RGS7: variants seen among roughly 807,000 people sequenced by gnomAD.
RGS7 encodes the protein regulator of G protein signaling 7, also known as regulator of G-protein signaling 7.
Under a neutral mutation model 81.1 loss-of-function variants are expected in RGS7, and 27 were observed. The observed-to-expected ratio is 0.33, with a 90% CI of 0.25 to 0.46. The LOEUF (loss-of-function observed/expected upper bound fraction) is 0.46. Ranked by LOEUF, RGS7 falls within the 20% of genes least tolerant of loss-of-function variation. The pLI, the probability that RGS7 is intolerant of heterozygous loss-of-function variation, is 1.00. For missense variants in RGS7, 396 were observed against 607.4 expected, an observed-to-expected ratio of 0.65 and a Z score of 3.66; for synonymous variants, 208 against 207.7, an observed-to-expected ratio of 1.00 and a Z score of -0.01.
At chr1:240,933,208 C>T (rs1004961785) in intron 5 of RGS7, among the ~76,000 whole-genome samples, 5 of 151,638 alleles carry the variant, frequency 3.3e-5, no homozygotes, top group East Asian at 1.9e-4. Flanking sequence ...ATGCTTCTTA[C>T]GGAGTGCATT....
intron 2 of RGS7, among the ~76,000 whole-genome samples, chr1:241,112,247 T>C (rs1376921527): frequency 6.6e-6 from 1 of 152,178 alleles, no homozygotes; most frequent in East Asian, 1.9e-4. Context: ...TTAAGTAATT[T>C]ATTTTTATGG....
chr1:240,910,359 CT>C (rs1204062931), intron 6 of RGS7, among the ~76,000 whole-genome samples: 1 of 152,088 alleles, frequency 6.6e-6, no homozygotes, highest in Non-Finnish European at 1.5e-5. Flanking sequence ...AACGCATGTG[CT>C]CATTCATATG....
intron 3 of RGS7, among the ~76,000 whole-genome samples, chr1:241,050,428 A>G (rs545086914): frequency 2.0e-5 from 3 of 152,250 alleles, no homozygotes; most frequent in South Asian, 4.1e-4. Flanking sequence ...CCAGGTCACT[A>G]TGTTCCATCA....
intron 2 of RGS7, among the ~76,000 whole-genome samples, chr1:241,306,146 A>T (rs2080105487): frequency 6.6e-6 from 1 of 151,280 alleles, no homozygotes; most frequent in Non-Finnish European, 1.5e-5. Flanking sequence ...ACACACACAC[A>T]CACTCACACA....
At chr1:241,030,493 TACAC>T (rs10649050) in intron 3 of RGS7, among the ~76,000 whole-genome samples, 8,861 of 140,398 alleles carry the variant, frequency 0.063, 356 homozygotes, top group Middle Eastern at 0.12. Flanking sequence ...TATATAGATG[TACAC>T]ACACACACAC....
intron 3 of RGS7, among the ~76,000 whole-genome samples, chr1:241,089,513 C>T (rs1023111172): frequency 6.6e-6 from 1 of 151,926 alleles, no homozygotes; most frequent in Non-Finnish European, 1.5e-5. Flanking sequence ...AGTCAGAGCC[C>T]AGAAATCATA....
intron 2 of RGS7, among the ~76,000 whole-genome samples, chr1:241,261,018 C>T (rs2077302574): frequency 6.6e-6 from 1 of 151,304 alleles, no homozygotes; most frequent in South Asian, 2.1e-4. Context: ...CACATGTATA[C>T]GTATGTAACT....
chr1:241,066,179 T>C (rs2062051821), intron 3 of RGS7, among the ~76,000 whole-genome samples: 1 of 152,192 alleles, frequency 6.6e-6, no homozygotes, highest in South Asian at 2.1e-4. Context: ...CACTCCTAAC[T>C]CTATTTTCAC....
chr1:241,052,433 G>A (rs773487578), intron 3 of RGS7, among the ~76,000 whole-genome samples: 4 of 152,148 alleles, frequency 2.6e-5, no homozygotes, highest in Non-Finnish European at 5.9e-5. Flanking sequence ...AGAGCAACGT[G>A]AAGGCCGAGC....
rs1158514403 is a variant in RGS7, at chr1:241,089,021, A to ATCTCTCTCTCTC, written c.175+9633_175+9644dup. On this transcript the variant is annotated intron_variant, in intron 3 of 18. Transcript: ENST00000440928. ...AGCCTGGGCCACAGAGCAAGACTCC[A>ATCTCTCTCTCTC]TCTCTCTCTCTCTCTCTCTCTCTCT... 9.6e-3 allele frequency among the ~76,000 whole-genome samples: 226 copies of ATCTCTCTCTCTC among 23,612 alleles called. 29 individuals are homozygous for ATCTCTCTCTCTC. The highest frequency in any genetic ancestry group is 0.029 in the African/African-American group (106 of 3,690). 15.5% of individuals were successfully genotyped at this position (23,612 alleles called of 152,430 possible).
chr1:241,133,254 G>A (rs2067252436), intron 2 of RGS7, among the ~76,000 whole-genome samples: 1 of 151,028 alleles, frequency 6.6e-6, no homozygotes, highest in South Asian at 2.1e-4. Context: ...AATATAAACA[G>A]CAATAAATGA....
chr1:241,131,925 C>A (rs1019420572), intron 2 of RGS7, among the ~76,000 whole-genome samples: 2 of 152,190 alleles, frequency 1.3e-5, no homozygotes, highest in East Asian at 3.8e-4. Context: ...AATCACATTA[C>A]ACATCCCGTT....
At chr1:241,166,391 T>A (rs1376855198) in intron 2 of RGS7, among the ~76,000 whole-genome samples, 1 of 151,960 alleles carries the variant, frequency 6.6e-6, no homozygotes, top group Non-Finnish European at 1.5e-5. Context: ...AATCAATGAC[T>A]CCGGAGTAGA....
chr1:241,305,864 A>T, intron 2 of RGS7: 2 of 306,872 alleles, frequency 6.5e-6, no homozygotes, highest in Non-Finnish European at 1.3e-5. Flanking sequence ...GTTGAGGCCC[A>T]CGGCCATGGG....
At chr1:241,157,243 C>G (rs2069235543) in intron 2 of RGS7, among the ~76,000 whole-genome samples, 1 of 152,186 alleles carries the variant, frequency 6.6e-6, no homozygotes, top group African/African-American at 2.4e-5. Context: ...TTCCACTCTG[C>G]TCCTGCTGAA....
chr1:241,044,112 GTTT>G (rs11355364), intron 3 of RGS7, among the ~76,000 whole-genome samples: 2 of 121,110 alleles, frequency 1.7e-5, no homozygotes, highest in African/African-American at 3.6e-5. Context: ...TGTTTTTTTT[GTTT>G]TTTTTTTTTT....
chr1:240,813,638 A>G lies in RGS7; in HGVS notation c.936T>C (p.Thr312=). The change falls in exon 13 of 19, where the codon ACT becomes ACC. Residue 312 remains threonine (T), a synonymous_variant. Transcript: ENST00000440928. ...CCTACCTTGCCTCAAGTTCCCAGAA[A>G]GTGGTGTCATCGGACAGCCATGGGT... is the stretch of plus-strand genomic sequence containing the variant. The part of the protein sequence containing the change: ...PSNPWLSDDT[T]FWELEASKEP... 2 of 1,612,682 alleles carry G rather than the reference A, an allele frequency of 1.2e-6. No individual in the cohort carries two copies. Among genetic ancestry groups the G allele is most frequent in the South Asian group, 2.2e-5 (2 of 91,056 alleles).
In RGS7 at chr1:241,160,722, G is replaced by T. The variant is rs113538673; in HGVS notation, c.79-61960C>A. Reference sequence around the variant, plus strand: ...CCAATCAATTCAGAATTCAAATGGCGATTCGCCAGTTTGATATCTACGTTG... The same window carrying T: ...CCAATCAATTCAGAATTCAAATGGCTATTCGCCAGTTTGATATCTACGTTG... On this transcript the variant is annotated intron_variant, in intron 2 of 18. Coordinates refer to ENST00000440928, the MANE Select transcript of RGS7 (RefSeq NM_001364886.1). Among the ~76,000 whole-genome samples the T allele has an allele frequency of 1.2e-3, 183 of 152,254 alleles. 1 individual carries two copies. Among genetic ancestry groups the T allele is most frequent in the African/African-American group, 4.2e-3 (176 of 41,562 alleles).
chr1:240,811,048 C>A (rs1689761279), intron 14 of RGS7, among the ~76,000 whole-genome samples: 1 of 152,162 alleles, frequency 6.6e-6, no homozygotes, highest in South Asian at 2.1e-4. Flanking sequence ...TGTTAAATCT[C>A]CTGAAAAGAA....
Sources: allele counts gnomAD v4.1 joint callset (sites outside exome capture counted in the v4.1 genomes callset), GRCh38; gene constraint gnomAD v4.1.1; transcripts MANE v1.5; gene names NCBI Gene and HGNC (gene_info 2026-07-23, HGNC 2026-07-21).